TMEM132B: variants seen among roughly 807,000 people sequenced by gnomAD.
TMEM132B encodes transmembrane protein 132B.
TMEM132B carries 18 observed loss-of-function variants against 90.8 expected under a neutral mutation model. That is an observed-to-expected ratio of 0.20 (90% CI 0.14 to 0.29). The LOEUF is 0.29. Among genes scored for constraint, TMEM132B ranks in the 10% least tolerant of loss-of-function variants. The pLI, the probability that TMEM132B is intolerant of heterozygous loss-of-function variation, is 1.00. For synonymous variants in TMEM132B, 504 were observed against 523.3 expected (o/e 0.96, Z 0.50); for missense variants, 1,096 against 1,326.8 (o/e 0.83, Z 2.70).
intron 3 of TMEM132B, among the ~76,000 whole-genome samples, chr12:125,434,084 G>A (rs1425713654): frequency 6.6e-6 from 1 of 152,232 alleles, no homozygotes; most frequent in Non-Finnish European, 1.5e-5. Context: ...TCAAGGCATT[G>A]CAGAGTTGCC....
At chr12:125,589,224 T>C (rs1223556825) in intron 5 of TMEM132B, among the ~76,000 whole-genome samples, 1 of 152,122 alleles carries the variant, frequency 6.6e-6, no homozygotes, top group South Asian at 2.1e-4. Context: ...GGCTCACGCC[T>C]GTAATCCCAG....
At chr12:125,338,165 C>G (rs1204336659) in intron 1 of TMEM132B, among the ~76,000 whole-genome samples, 1 of 152,222 alleles carries the variant, frequency 6.6e-6, no homozygotes, top group East Asian at 1.9e-4. Flanking sequence ...GGCACTCTGC[C>G]ATGTACTTCT....
At chr12:125,278,641 G>C (rs1348407514) in intron 1 of TMEM132B, among the ~76,000 whole-genome samples, 2 of 152,048 alleles carry the variant, frequency 1.3e-5, no homozygotes, top group African/African-American at 4.8e-5. Flanking sequence ...AGCGAGTGGG[G>C]TGTTTAACCC....
At chr12:125,204,254 C>G (rs1389468937) in intron 1 of TMEM132B, among the ~76,000 whole-genome samples, 3 of 146,178 alleles carry the variant, frequency 2.1e-5, no homozygotes, top group African/African-American at 5.0e-5. Flanking sequence ...GTACCAGGCA[C>G]TGTGCTTAGC....
At chr12:125,509,257 C>T (rs746782724) in intron 3 of TMEM132B, among the ~76,000 whole-genome samples, 1 of 152,140 alleles carries the variant, frequency 6.6e-6, no homozygotes, top group African/African-American at 2.4e-5. Context: ...TGTGGTGGGT[C>T]CTGGACGCTC....
At position 125,309,199 on chromosome 12, in the gene TMEM132B, A is replaced by T. The variant is rs531800968; in HGVS notation, c.68-40253A>T. ...CAGATTCTTTGTTATATATTTTAATAATGCTTCAATTTTATATGCTATTTG... is the reference window on the plus strand; with the variant it reads ...CAGATTCTTTGTTATATATTTTAATTATGCTTCAATTTTATATGCTATTTG... On this transcript the variant is annotated intron_variant, in intron 1 of 8. Transcript: ENST00000682704. Among the ~76,000 whole-genome samples the T allele has an allele frequency of 2.0e-5, 3 of 152,316 alleles. No homozygotes were observed. The East Asian group carries it at 5.8e-4, about 29-fold the overall frequency.
At chr12:125,362,691 A>G (rs894973260) in intron 2 of TMEM132B, among the ~76,000 whole-genome samples, 4 of 152,206 alleles carry the variant, frequency 2.6e-5, no homozygotes, top group African/African-American at 9.7e-5. Context: ...TCCTTTAGGT[A>G]CCTCATAGAA....
intron 3 of TMEM132B, among the ~76,000 whole-genome samples, chr12:125,473,891 GT>G (rs965544450): frequency 5.4e-5 from 8 of 149,344 alleles, no homozygotes; most frequent in East Asian, 2.0e-4. Flanking sequence ...ATTCAGTCAA[GT>G]TTTTTTTTTC....
chr12:125,434,419 T>C (rs993839852), intron 3 of TMEM132B, among the ~76,000 whole-genome samples: 1 of 152,064 alleles, frequency 6.6e-6, no homozygotes, highest in African/African-American at 2.4e-5. Context: ...CCATTCTGCC[T>C]ATTCACAGTC....
chr12:125,411,483 A>G (rs1018180781), intron 2 of TMEM132B, among the ~76,000 whole-genome samples: 5 of 152,000 alleles, frequency 3.3e-5, no homozygotes, highest in Non-Finnish European at 7.4e-5. Flanking sequence ...CTGCACGTTC[A>G]GCACATGTAC....
Position 125,230,050 on chromosome 12 carries a change from G to A in TMEM132B, c.67+43184G>A, listed in dbSNP as rs75311705. Among the ~76,000 whole-genome samples the A allele has an allele frequency of 4.7e-3, 714 of 152,330 alleles. 30 individuals are homozygous for A. In the East Asian group the frequency reaches 0.085, roughly 18 times the overall value. Reference sequence around the variant, plus strand: ...GAAGGACAAGGGCCGGGAACAGGGCGGAGGATGGTTCCTCAAAGGAAAGCT... The same window carrying A: ...GAAGGACAAGGGCCGGGAACAGGGCAGAGGATGGTTCCTCAAAGGAAAGCT... On this transcript the variant is annotated intron_variant, in intron 1 of 8. Coordinates refer to ENST00000682704, the MANE Select transcript of TMEM132B (RefSeq NM_001366854.1).
At chr12:125,427,048 T>C (rs1880337990) in intron 3 of TMEM132B, among the ~76,000 whole-genome samples, 1 of 152,232 alleles carries the variant, frequency 6.6e-6, no homozygotes, top group South Asian at 2.1e-4. Context: ...GGTGACCTAT[T>C]AAACCATTCT....
intron 1 of TMEM132B, among the ~76,000 whole-genome samples, chr12:125,283,926 G>C (rs998388496): frequency 6.6e-6 from 1 of 152,222 alleles, no homozygotes; most frequent in African/African-American, 2.4e-5. Flanking sequence ...GGTCCAGGAA[G>C]GGGAGTAGAA....
intron 1 of TMEM132B, among the ~76,000 whole-genome samples, chr12:125,295,076 A>T (rs1875634957): frequency 6.6e-6 from 1 of 152,254 alleles, no homozygotes; most frequent in African/African-American, 2.4e-5. Context: ...GAAGAAAAAA[A>T]GCACAAAAAG....
chr12:125,582,775 A>G (rs1241575718), intron 4 of TMEM132B, among the ~76,000 whole-genome samples: 1 of 152,218 alleles, frequency 6.6e-6, no homozygotes, highest in Non-Finnish European at 1.5e-5. Context: ...TGATTGATTT[A>G]TTAAATTTTC....
chr12:125,386,387 T>C (rs1254921095), intron 2 of TMEM132B, among the ~76,000 whole-genome samples: 1 of 152,244 alleles, frequency 6.6e-6, no homozygotes, highest in African/African-American at 2.4e-5. Context: ...TGGTTACGTA[T>C]GACTATGGTC....
At chr12:125,456,612 G>A (rs1047797089) in intron 3 of TMEM132B, among the ~76,000 whole-genome samples, 1 of 152,130 alleles carries the variant, frequency 6.6e-6, no homozygotes, top group Admixed American at 6.5e-5. Context: ...AATCTGCCTC[G>A]TTACTCTCTT....
chr12:125,614,139 T>G (rs1885928661), intron 5 of TMEM132B, among the ~76,000 whole-genome samples: 1 of 152,200 alleles, frequency 6.6e-6, no homozygotes, highest in Admixed American at 6.5e-5. Flanking sequence ...TTTCAACATT[T>G]TTTTTAGAAA....
intron 2 of TMEM132B, among the ~76,000 whole-genome samples, chr12:125,367,905 GT>G (rs775264465): frequency 1.3e-5 from 2 of 151,802 alleles, no homozygotes; most frequent in African/African-American, 2.4e-5. Context: ...TCTCATCTTA[GT>G]TTTTTTCTTT....
Sources: gnomAD v4.1 joint callset for allele counts (sites outside exome capture counted in the v4.1 genomes callset) on GRCh38, gnomAD v4.1.1 for gene constraint, MANE v1.5 for transcripts, NCBI Gene and HGNC (gene_info 2026-07-23, HGNC 2026-07-21) for gene names.